DYNC1I1: variants seen among roughly 807,000 people sequenced by gnomAD.
DYNC1I1 encodes the protein dynein cytoplasmic 1 intermediate chain 1.
DYNC1I1 carries 43 observed loss-of-function variants against 86.6 expected under a neutral mutation model. The observed-to-expected ratio is 0.50, with a 90% CI of 0.39 to 0.64. The LOEUF (loss-of-function observed/expected upper bound fraction) is 0.64, where lower values mean the gene tolerates loss of function less well. DYNC1I1 is among the 30% of genes least tolerant of loss of function. DYNC1I1 has a pLI of 0.00. For missense variants in DYNC1I1, 604 were observed against 788.8 expected (o/e 0.77, Z 2.81); for synonymous variants, 262 against 283.7 (o/e 0.92, Z 0.77).
At chr7:96,072,740 G>C (rs933495928) in intron 14 of DYNC1I1, among the ~76,000 whole-genome samples, 1 of 152,052 alleles carries the variant, frequency 6.6e-6, no homozygotes, top group African/African-American at 2.4e-5. Context: ...AAAATCTTTA[G>C]AATCTTTAGA....
chr7:95,898,068 A>T (rs889475211), intron 6 of DYNC1I1, among the ~76,000 whole-genome samples: 1 of 152,202 alleles, frequency 6.6e-6, no homozygotes, highest in Admixed American at 6.5e-5. Flanking sequence ...TTGATTGGAC[A>T]TTGCCTTCAG....
At chr7:96,086,765 G>T (rs1364570350) in intron 16 of DYNC1I1, among the ~76,000 whole-genome samples, 1 of 152,100 alleles carries the variant, frequency 6.6e-6, no homozygotes, top group African/African-American at 2.4e-5. Flanking sequence ...AGTAAAACAT[G>T]ATTTTAAATG....
At chr7:95,963,629 C>G (rs1207233583) in intron 6 of DYNC1I1, among the ~76,000 whole-genome samples, 1 of 152,150 alleles carries the variant, frequency 6.6e-6, no homozygotes, top group Non-Finnish European at 1.5e-5. Context: ...CACACTCACA[C>G]TGAGCCTTTG....
chr7:95,952,914 C>T (rs1047857391), intron 6 of DYNC1I1, among the ~76,000 whole-genome samples: 12 of 151,964 alleles, frequency 7.9e-5, no homozygotes, highest in African/African-American at 2.4e-4. Flanking sequence ...CTCAGACCTT[C>T]AGGGTCTGCC....
At chr7:95,912,396 T>C (rs1388957643) in intron 6 of DYNC1I1, among the ~76,000 whole-genome samples, 2 of 152,166 alleles carry the variant, frequency 1.3e-5, no homozygotes, top group Non-Finnish European at 2.9e-5. Flanking sequence ...TGAAGGAGTT[T>C]ATCTGGCTTG....
At chr7:95,832,852 G>A (rs576623498) in intron 5 of DYNC1I1, among the ~76,000 whole-genome samples, 45 of 152,114 alleles carry the variant, frequency 3.0e-4, no homozygotes, top group Non-Finnish European at 5.1e-4. Flanking sequence ...TGAGTTTATC[G>A]TAGATTCTGG....
chr7:95,800,762 A>T (rs565492789), intron 1 of DYNC1I1, among the ~76,000 whole-genome samples: 2 of 152,350 alleles, frequency 1.3e-5, no homozygotes, highest in African/African-American at 4.8e-5. Flanking sequence ...TGTATGAAGT[A>T]ACTGAGCAAT....
At chr7:95,831,518 A>G (rs959279703) in intron 5 of DYNC1I1, among the ~76,000 whole-genome samples, 3 of 152,182 alleles carry the variant, frequency 2.0e-5, no homozygotes, top group Non-Finnish European at 4.4e-5. Flanking sequence ...CTTTAGATAT[A>G]TATGTCCAGA....
intron 6 of DYNC1I1, among the ~76,000 whole-genome samples, chr7:95,974,668 G>A (rs540023912): frequency 4.2e-4 from 64 of 152,212 alleles, no homozygotes; most frequent in African/African-American, 1.4e-3. Context: ...AAGCATTGCC[G>A]GCCAGGTCTC....
At chr7:95,930,433 T>C (rs535902223) in intron 6 of DYNC1I1, among the ~76,000 whole-genome samples, 3 of 152,346 alleles carry the variant, frequency 2.0e-5, no homozygotes, top group African/African-American at 7.2e-5. Flanking sequence ...TATTTATATT[T>C]CAATGTTACC....
intron 11 of DYNC1I1, among the ~76,000 whole-genome samples, chr7:96,030,742 A>C (rs1045121936): frequency 1.3e-5 from 2 of 152,074 alleles, no homozygotes; most frequent in African/African-American, 4.8e-5. Flanking sequence ...TTTCAGGTGA[A>C]AATTTGTTAC....
At chr7:95,879,099 T>G (rs773015060) in intron 6 of DYNC1I1, among the ~76,000 whole-genome samples, 9 of 152,192 alleles carry the variant, frequency 5.9e-5, no homozygotes, top group Non-Finnish European at 1.2e-4. Flanking sequence ...AAGAAAGTTA[T>G]TCAGACTGAA....
chr7:95,940,039 T>C (rs960370383), intron 6 of DYNC1I1, among the ~76,000 whole-genome samples: 1 of 152,170 alleles, frequency 6.6e-6, no homozygotes, highest in Non-Finnish European at 1.5e-5. Context: ...AAGTATTTTA[T>C]TTCTCCTTCA....
At chr7:95,931,906 A>G (rs1791909686) in intron 6 of DYNC1I1, among the ~76,000 whole-genome samples, 1 of 152,224 alleles carries the variant, frequency 6.6e-6, no homozygotes, top group South Asian at 2.1e-4. Context: ...ATGACTTGTC[A>G]GTCTAACTTG....
chr7:95,904,949 G>T lies in DYNC1I1; in HGVS notation c.490+34951G>T, dbSNP rs528980378. ...TTCAAAGTTTCAGAATGCTGAAGTT[G>T]CCTATGCAAAAAGTCAAAATGCCTT... On this transcript the variant is annotated intron_variant, in intron 6 of 16. Transcript: ENST00000447467. 1.9e-3 allele frequency among the ~76,000 whole-genome samples: 294 copies of T among 152,282 alleles called. 1 individual carries two copies. The highest frequency in any genetic ancestry group is 6.5e-3 in the African/African-American group (269 of 41,560).
chr7:96,002,829 GT>G (rs201916337), intron 10 of DYNC1I1, among the ~76,000 whole-genome samples: 8 of 150,784 alleles, frequency 5.3e-5, no homozygotes, highest in Middle Eastern at 3.4e-3. Flanking sequence ...TTTTTTTTGG[GT>G]TTTTTTTGTG....
chr7:96,061,527 G>A (rs1285253877), intron 14 of DYNC1I1, among the ~76,000 whole-genome samples: 2 of 152,028 alleles, frequency 1.3e-5, no homozygotes, highest in Non-Finnish European at 2.9e-5. Context: ...GCATTAGGAG[G>A]CTTACCTAGA....
At chr7:95,874,343 A>T (rs1790248396) in intron 6 of DYNC1I1, among the ~76,000 whole-genome samples, 1 of 152,186 alleles carries the variant, frequency 6.6e-6, no homozygotes, top group Admixed American at 6.5e-5. Flanking sequence ...TACCAGACTG[A>T]GTTTGTGGTT....
At chr7:95,958,909 T>G (rs966404271) in intron 6 of DYNC1I1, among the ~76,000 whole-genome samples, 2 of 152,174 alleles carry the variant, frequency 1.3e-5, no homozygotes, top group Non-Finnish European at 2.9e-5. Context: ...CTTGAGGAGT[T>G]TTAAGCATAG....
Sources: gnomAD v4.1 joint callset for allele counts (sites outside exome capture counted in the v4.1 genomes callset) on GRCh38, gnomAD v4.1.1 for gene constraint, MANE v1.5 for transcripts, NCBI Gene and HGNC (gene_info 2026-07-23, HGNC 2026-07-21) for gene names.